The following POU1F1 variants were observed in gnomAD, a reference collection of about 807,000 sequenced individuals.
POU1F1 encodes the protein pituitary-specific positive transcription factor 1.
In POU1F1, 23 loss-of-function variants were observed where a neutral mutation model predicts 32.3. That is an observed-to-expected ratio of 0.71 (90% CI 0.51 to 1.01). The LOEUF (loss-of-function observed/expected upper bound fraction) is 1.01. Among genes scored for constraint, POU1F1 ranks in the 50% least tolerant of loss-of-function variants. POU1F1 has a pLI of 0.00. For synonymous variants in POU1F1, 120 were observed against 115.6 expected, an observed-to-expected ratio of 1.04 and a Z score of -0.25; for missense variants, 323 against 341.6, an observed-to-expected ratio of 0.95 and a Z score of 0.43.
chr3:87,272,630 A>G (rs2106939876), intron 2 of POU1F1, among the ~76,000 whole-genome samples: 1 of 152,334 alleles, frequency 6.6e-6, no homozygotes, highest in African/African-American at 2.4e-5. Flanking sequence ...AGGATCAATA[A>G]GCAGGTAGCC....
chr3:87,275,628 G>T (rs1337080790), intron 1 of POU1F1, among the ~76,000 whole-genome samples: 2 of 152,084 alleles, frequency 1.3e-5, no homozygotes, highest in Non-Finnish European at 2.9e-5. Context: ...TTGGCTGATT[G>T]TGTTGAGCCT....
Position 87,262,122 on chromosome 3 carries a change from T to G in POU1F1, c.553A>C (p.Lys185Gln). ...NLQLSFKNAC[K>Q]LKAILSKWLE... ...CATTTGGATAATATTGCTTTCAGTT[T>G]GCATGCATTTTTAAAGCTGAGCTGC... Residue 185 changes from lysine to glutamine, a missense_variant, in exon 4 of 6, where the codon AAA (lysine) becomes CAA (glutamine). Transcript: ENST00000350375. 1.2e-6 allele frequency: 2 copies of G among 1,614,164 alleles called. No individual in the cohort carries two copies. The highest frequency in any genetic ancestry group is 1.7e-6 in the Non-Finnish European group (2 of 1,180,012).
intron 4 of POU1F1, 35 bp downstream of exon 4, chr3:87,262,036 A>G: frequency 6.2e-7 from 1 of 1,612,998 alleles, no homozygotes; most frequent in African/African-American, 1.3e-5. Flanking sequence ...TTTAGGTTAA[A>G]ACACAGCACA....
intron 2 of POU1F1, among the ~76,000 whole-genome samples, chr3:87,265,424 T>C (rs371718446): frequency 1.7e-4 from 26 of 152,094 alleles, no homozygotes; most frequent in East Asian, 5.8e-4. Flanking sequence ...TCCTTTTTCA[T>C]TGGAAGAGTC....
At chr3:87,270,127 G>A (rs1706698184) in intron 2 of POU1F1, among the ~76,000 whole-genome samples, 2 of 152,058 alleles carry the variant, frequency 1.3e-5, no homozygotes, top group Non-Finnish European at 2.9e-5. Flanking sequence ...TGTACTGTAA[G>A]GTGTTGATTT....
intron 3 of POU1F1, 48 bp from the exon 4 acceptor site, chr3:87,262,283 T>C (rs760784704): frequency 8.1e-6 from 13 of 1,607,430 alleles, no homozygotes; most frequent in Admixed American, 1.7e-5. Flanking sequence ...CCAGGAAATG[T>C]TAATTTTGGT....
chr3:87,273,631 AG>A (rs1311495645), intron 1 of POU1F1: 1 of 813,450 alleles, frequency 1.2e-6, no homozygotes, highest in Non-Finnish European at 1.9e-6. Flanking sequence ...GGTTAAAACT[AG>A]GGGGGATCAA....
intron 4 of POU1F1, 60 bp downstream of exon 4, chr3:87,262,011 A>C: frequency 1.3e-6 from 2 of 1,592,658 alleles, no homozygotes; most frequent in Non-Finnish European, 1.7e-6. Context: ...AATCCTACTT[A>C]TTGAAGCCAT....
At chr3:87,273,564 T>C in intron 1 of POU1F1, 146 bp from the exon 2 acceptor site, 1 of 1,417,136 alleles carries the variant, frequency 7.1e-7, no homozygotes, top group East Asian at 2.5e-5. Flanking sequence ...TTTATGTGGT[T>C]CTTAAAGTTA....
chr3:87,275,896 C>T lies in POU1F1; in HGVS notation c.142+425G>A, dbSNP rs369046437. On this transcript the variant is annotated intron_variant, in intron 1 of 5. Transcript: ENST00000350375. ...GTTGTGTTTAATATAAGGTTTATAG[C>T]TGTTTTTAGATAGTAAATGTAATTT... Among the ~76,000 whole-genome samples the T allele has an allele frequency of 7.9e-5, 12 of 152,160 alleles. 1 individual carries two copies. In the East Asian group the frequency reaches 1.7e-3, roughly 22 times the overall value.
At chr3:87,261,150 C>T (rs1320297789) in intron 5 of POU1F1, 123 bp downstream of exon 5, 15 of 720,758 alleles carry the variant, frequency 2.1e-5, no homozygotes, top group African/African-American at 8.9e-5. Flanking sequence ...ACCTCAGGCC[C>T]GCCTTGGCCT....
intron 2 of POU1F1, among the ~76,000 whole-genome samples, chr3:87,265,487 C>A (rs549149338): frequency 6.6e-6 from 1 of 151,956 alleles, no homozygotes; most frequent in Non-Finnish European, 1.5e-5. Context: ...CAAATTCCAA[C>A]ACATTTTGTT....
In POU1F1 at chr3:87,264,616, C is replaced by T. The variant is rs546854263; in HGVS notation, c.215-104G>A. The T allele has an allele frequency of 3.1e-5, 27 of 877,680 alleles. 1 individual carries two copies. In the South Asian group the frequency reaches 3.4e-4, roughly 11 times the overall value. The allele number at this position is 877,680 out of a possible 1,614,324, so 54.4% of individuals were successfully genotyped here. A position where few individuals can be genotyped will look rare whatever the true frequency, so the allele number is the denominator to read the frequency against. On this transcript the variant is annotated intron_variant, in intron 2 of 5. Transcript: ENST00000350375. ...GACTTAGCCCATTATTCTGCTCTAG[C>T]CTGTCTCAGTACTTACAAGGTTACC...
chr3:87,273,386 G>A lies in POU1F1; in HGVS notation c.175C>T (p.His59Tyr). Residue 59 changes from histidine (H) to tyrosine (Y), a missense_variant, in exon 2 of 6, where the codon CAT becomes TAT. By Grantham distance (83) the His-to-Tyr change is moderately conservative. Transcript: ENST00000350375. ...TGLHYSVPSC[H>Y]YGNQPSTYGV... ...TAGGTTGATGGCTGGTTTCCATAAT[G>A]ACAGGAAGGAACAGAATAATGAAGT... 1 of 1,612,588 alleles carries A rather than the reference G, an allele frequency of 6.2e-7. No individual in the cohort carries two copies. Among genetic ancestry groups the A allele is most frequent in the East Asian group, 2.2e-5 (1 of 44,786 alleles).
chr3:87,276,096 A>T (rs1408313778), intron 1 of POU1F1, among the ~76,000 whole-genome samples: 1 of 152,158 alleles, frequency 6.6e-6, no homozygotes, highest in Non-Finnish European at 1.5e-5. Flanking sequence ...CTTCCTTACA[A>T]CAAAGCCAAC....
At position 87,264,491 on chromosome 3, in the gene POU1F1, T is replaced by C; in HGVS notation, c.236A>G (p.Tyr79Cys). 6.2e-7 allele frequency: 1 copy of C among 1,608,826 alleles called. No homozygotes were observed. The highest frequency in any genetic ancestry group is 8.5e-7 in the Non-Finnish European group (1 of 1,175,254). The change falls in exon 3 of 6, where the codon TAT (tyrosine) becomes TGT (cysteine). Residue 79 changes from tyrosine (Y) to cysteine (C), a missense_variant. Transcript: ENST00000350375. ...VMAGSLTPCLYKFPDHTLSHG... is the reference protein window; with the variant it reads ...VMAGSLTPCLCKFPDHTLSHG... ...ACTCAAGGTGTGGTCAGGAAATTTA[T>C]AAAGACAAGGGGTTAAACTACCTGT...
chr3:87,272,093 C>A (rs1356910838), intron 2 of POU1F1, among the ~76,000 whole-genome samples: 1 of 147,298 alleles, frequency 6.8e-6, no homozygotes, highest in Non-Finnish European at 1.5e-5. Flanking sequence ...TTTTTTTTTA[C>A]TGCTTATCTG....
chr3:87,260,125 G>A (rs760887458), intron 5 of POU1F1, 21 bp from the exon 6 acceptor site: 22 of 1,601,976 alleles, frequency 1.4e-5, no homozygotes, highest in Non-Finnish European at 1.8e-5. Context: ...GTGGACATAG[G>A]GGGTGAAATT....
rs1238122441 is a variant in POU1F1, at chr3:87,268,354, G to C, written c.215-3842C>G. Among the ~76,000 whole-genome samples the C allele has an allele frequency of 2.0e-5, 3 of 152,016 alleles. No individual in the cohort carries two copies. The East Asian group carries it at 5.8e-4, about 29-fold the overall frequency. On this transcript the variant is annotated intron_variant, in intron 2 of 5. Transcript: ENST00000350375. ...ACTCCTGACCTCAGGTGATCTGCCT[G>C]CCTCGGCCTCCTAAAGTGCTGGGAT...
Sources: allele counts gnomAD v4.1 joint callset (sites outside exome capture counted in the v4.1 genomes callset), GRCh38; gene constraint gnomAD v4.1.1; transcripts MANE v1.5; gene names NCBI Gene and HGNC (gene_info 2026-07-23, HGNC 2026-07-21).